Variants in MAD1L1 observed in about 807,000 individuals in gnomAD.
MAD1L1 encodes the protein mitotic arrest deficient 1 like 1, also known as mitotic spindle assembly checkpoint protein MAD1.
In MAD1L1, 95 loss-of-function variants were observed where a neutral mutation model predicts 96.9. The ratio of observed to expected loss-of-function variants is 0.98; its 90% confidence interval spans 0.83 to 1.16. MAD1L1 has a LOEUF of 1.16. Among genes scored for constraint, MAD1L1 ranks in the 50% most tolerant of loss-of-function variants. The pLI is 0.00. For missense variants in MAD1L1, 1,007 were observed against 954.4 expected (o/e 1.06, Z -0.73); for synonymous variants, 473 against 396.6 (o/e 1.19, Z -2.29).
chr7:2,188,590 T>TG, intron 10 of MAD1L1, among the ~76,000 whole-genome samples: 1 of 152,308 alleles, frequency 6.6e-6, no homozygotes, highest in South Asian at 2.1e-4. Context: ...CAATGAGGAA[T>TG]GGACAAGCTT....
chr7:2,034,320 G>A (rs747584166), intron 12 of MAD1L1, among the ~76,000 whole-genome samples: 1 of 151,536 alleles, frequency 6.6e-6, no homozygotes, highest in Non-Finnish European at 1.5e-5. Context: ...GGGTTCAAGC[G>A]ATTCTCCTGC....
intron 10 of MAD1L1, among the ~76,000 whole-genome samples, chr7:2,205,820 T>A (rs774905805): frequency 2.4e-4 from 37 of 152,328 alleles, no homozygotes; most frequent in Admixed American, 1.5e-3. Context: ...ACCACCTATA[T>A]ATCTTCTCTT....
At chr7:2,045,405 T>A (rs1783877641) in intron 12 of MAD1L1, among the ~76,000 whole-genome samples, 1 of 152,122 alleles carries the variant, frequency 6.6e-6, no homozygotes, top group Non-Finnish European at 1.5e-5. Context: ...CTCAGGTGCC[T>A]CTCATGGCCA....
chr7:2,003,267 C>T (rs989018918), intron 13 of MAD1L1, among the ~76,000 whole-genome samples: 1 of 152,074 alleles, frequency 6.6e-6, no homozygotes, highest in Non-Finnish European at 1.5e-5. Context: ...TGTGTATGTG[C>T]GTGTACACAA....
chr7:2,168,721 C>T (rs771077103), intron 10 of MAD1L1, among the ~76,000 whole-genome samples: 24 of 152,240 alleles, frequency 1.6e-4, no homozygotes, highest in Non-Finnish European at 2.4e-4. Flanking sequence ...GCGTGGAGGG[C>T]GCCACGAGGT....
chr7:1,968,838 C>T lies in MAD1L1; in HGVS notation c.1506-11119G>A, dbSNP rs951170591. On this transcript the variant is annotated intron_variant, in intron 15 of 18. Coordinates refer to ENST00000265854, the MANE Select transcript of MAD1L1 (RefSeq NM_001013836.2). The surrounding 1 kb of genome is among the most constrained non-coding windows in gnomAD (Gnocchi z 5.6). ...AAGCGAGGAAAGACAAAACTGTCACCGACCAGCGGCAGAAGAGATGTGACG... is the reference window on the plus strand; with the variant it reads ...AAGCGAGGAAAGACAAAACTGTCACTGACCAGCGGCAGAAGAGATGTGACG... Among the ~76,000 whole-genome samples, 1 of 152,210 alleles carries T rather than the reference C, an allele frequency of 6.6e-6. No individual in the cohort carries two copies. Among genetic ancestry groups the T allele is most frequent in the Non-Finnish European group, 1.5e-5 (1 of 68,036 alleles).
At chr7:2,163,527 C>A (rs34129678) in intron 10 of MAD1L1, among the ~76,000 whole-genome samples, 33,596 of 151,966 alleles carry the variant, frequency 0.22, 3,912 homozygotes, top group Middle Eastern at 0.36. Context: ...GCGCATGACA[C>A]CACACCTGGC....
At chr7:2,128,263 TCAG>T (rs1452007452) in intron 11 of MAD1L1, among the ~76,000 whole-genome samples, 7 of 152,138 alleles carry the variant, frequency 4.6e-5, no homozygotes, top group African/African-American at 1.7e-4. Context: ...GCATTTGTCA[TCAG>T]CAGCTCAGCC....
intron 11 of MAD1L1, among the ~76,000 whole-genome samples, chr7:2,091,642 G>A (rs940790409): frequency 6.6e-6 from 1 of 152,182 alleles, no homozygotes. Context: ...CGGGCTTAGT[G>A]GTGGGCGCCT....
At chr7:2,186,465 G>A (rs935203805) in intron 10 of MAD1L1, among the ~76,000 whole-genome samples, 10 of 152,180 alleles carry the variant, frequency 6.6e-5, no homozygotes, top group African/African-American at 2.4e-4. Flanking sequence ...TACGTAAGAC[G>A]TCCATGCACA....
At chr7:2,075,307 G>A (rs924307390) in intron 11 of MAD1L1, among the ~76,000 whole-genome samples, 10 of 152,158 alleles carry the variant, frequency 6.6e-5, no homozygotes, top group Non-Finnish European at 1.0e-4. Context: ...AGGTAGAGGC[G>A]CTCCGGCAAG....
intron 17 of MAD1L1, among the ~76,000 whole-genome samples, chr7:1,921,032 C>T (rs558219388): frequency 1.6e-4 from 24 of 152,246 alleles, no homozygotes; most frequent in African/African-American, 5.1e-4. Context: ...GGGAAGAGGG[C>T]GGAGAGGCGG....
intron 12 of MAD1L1, among the ~76,000 whole-genome samples, chr7:2,037,781 T>C (rs1012158979): frequency 4.6e-5 from 7 of 151,900 alleles, no homozygotes; most frequent in African/African-American, 1.5e-4. Flanking sequence ...CCTCCCTCCC[T>C]CTCCTTGGGC....
chr7:1,892,707 G>C (rs925527477), intron 18 of MAD1L1, among the ~76,000 whole-genome samples: 4 of 152,110 alleles, frequency 2.6e-5, no homozygotes, highest in Non-Finnish European at 4.4e-5. Context: ...ATCGCCACAT[G>C]TTTGTGCAGT....
chr7:2,133,766 C>T (rs1489183824), intron 11 of MAD1L1, among the ~76,000 whole-genome samples: 1 of 152,196 alleles, frequency 6.6e-6, no homozygotes, highest in Non-Finnish European at 1.5e-5. Flanking sequence ...TGTGGCTGTT[C>T]CGCTGTTCCA....
At chr7:2,152,289 C>G (rs538788747) in intron 10 of MAD1L1, among the ~76,000 whole-genome samples, 18 of 152,352 alleles carry the variant, frequency 1.2e-4, no homozygotes, top group African/African-American at 3.6e-4. Flanking sequence ...AGGACTGAAG[C>G]TGCAGGGCTT....
At chr7:2,049,623 C>A (rs886880277) in intron 12 of MAD1L1, among the ~76,000 whole-genome samples, 2 of 152,246 alleles carry the variant, frequency 1.3e-5, no homozygotes, top group Non-Finnish European at 2.9e-5. Context: ...CTGGGTCCAG[C>A]AGCATCCCCA....
chr7:2,173,505 CTGTT>C (rs1315709394), intron 10 of MAD1L1, among the ~76,000 whole-genome samples: 11 of 152,244 alleles, frequency 7.2e-5, no homozygotes, highest in African/African-American at 2.4e-4. Context: ...GCTTAGCTGT[CTGTT>C]TATCGCTCAT....
intron 10 of MAD1L1, among the ~76,000 whole-genome samples, chr7:2,195,585 T>G (rs1428516753): frequency 6.6e-6 from 1 of 152,222 alleles, no homozygotes; most frequent in Non-Finnish European, 1.5e-5. Flanking sequence ...GTGGGAGGAC[T>G]GTTTGATTCC....
Sources: allele counts gnomAD v4.1 joint callset (sites outside exome capture counted in the v4.1 genomes callset), GRCh38; gene constraint gnomAD v4.1.1; non-coding constraint Gnocchi (gnomAD v3.1); transcripts MANE v1.5; gene names NCBI Gene and HGNC (gene_info 2026-07-23, HGNC 2026-07-21).